IL1RAPL1: variants seen among roughly 807,000 people sequenced by gnomAD.
IL1RAPL1 encodes the protein interleukin 1 receptor accessory protein like 1, also known as interleukin-1 receptor accessory protein-like 1.
In IL1RAPL1, 3 loss-of-function variants were observed where a neutral mutation model predicts 48.4. That is an observed-to-expected ratio of 0.06 (90% confidence interval 0.03 to 0.16). The LOEUF (loss-of-function observed/expected upper bound fraction) is 0.16, where lower values mean the gene tolerates loss of function less well. Ranked by LOEUF, IL1RAPL1 falls within the 10% of genes least tolerant of loss-of-function variation. IL1RAPL1 has a pLI of 1.00. For synonymous variants in IL1RAPL1, 185 were observed against 187.7 expected (o/e 0.99, Z 0.12); for missense variants, 349 against 530.6 (o/e 0.66, Z 3.36).
intron 5 of IL1RAPL1, among the ~76,000 whole-genome samples, chrX:29,426,575 A>C (rs746460200): frequency 3.6e-5 from 4 of 111,745 alleles, no homozygotes; most frequent in Non-Finnish European, 7.5e-5. Flanking sequence ...ACAATATTTA[A>C]CTACCCGTTG....
chrX:29,501,157 C>T (rs921145219), intron 5 of IL1RAPL1, among the ~76,000 whole-genome samples: 4 of 111,392 alleles, frequency 3.6e-5, no homozygotes, highest in Admixed American at 1.9e-4. Context: ...TGTTTTTTTG[C>T]GGTTGAATTG....
chrX:29,425,513 C>T (rs763226803), intron 5 of IL1RAPL1, among the ~76,000 whole-genome samples: 12 of 111,682 alleles, frequency 1.1e-4, no homozygotes, highest in Non-Finnish European at 2.1e-4. Flanking sequence ...GTCAATGAGA[C>T]TATCACAGGT....
chrX:29,920,238 G>A lies in IL1RAPL1; in HGVS notation c.1057+144G>A, dbSNP rs774611133. ...TAATCATATTTGCATTAGAGCCACC[G>A]AGGCAAACAGCACAGTAGATGGGTG... On this transcript the variant is annotated intron_variant, in intron 8 of 10. Transcript: ENST00000378993. The A allele has an allele frequency of 3.7e-5, 25 of 681,684 alleles. No individual in the cohort carries two copies. The African/African-American group carries it at 4.1e-4, about 11-fold the overall frequency. The allele number at this position is 681,684 out of a possible 1,213,427, so 56.2% of individuals were successfully genotyped here.
chrX:29,034,354 T>C (rs923081768), intron 2 of IL1RAPL1, among the ~76,000 whole-genome samples: 4 of 112,254 alleles, frequency 3.6e-5, no homozygotes, highest in African/African-American at 9.7e-5. Flanking sequence ...ATGACTGCTT[T>C]ACCTTTTATT....
chrX:29,377,324 A>G (rs1020436801), intron 3 of IL1RAPL1, among the ~76,000 whole-genome samples: 16 of 111,935 alleles, frequency 1.4e-4, no homozygotes, highest in Non-Finnish European at 2.8e-4. Flanking sequence ...TTGCCACTCT[A>G]TGTCTTTTAA....
At chrX:29,725,717 G>T (rs1329382488) in intron 6 of IL1RAPL1, among the ~76,000 whole-genome samples, 1 of 111,966 alleles carries the variant, frequency 8.9e-6, no homozygotes, top group East Asian at 2.8e-4. Flanking sequence ...ATGTGTGTGT[G>T]TATGAGTGTG....
rs777376856 is a variant in IL1RAPL1, at chrX:28,872,730, C to G, written c.82+83305C>G. On this transcript the variant is annotated intron_variant, in intron 2 of 10. Coordinates refer to ENST00000378993, the MANE Select transcript of IL1RAPL1 (RefSeq NM_014271.4). ...CCTCCATGGGTACAGGTCTTTAAGT[C>G]ATTTTGTCCTCATTGTTTTTACTAG... Among the ~76,000 whole-genome samples, 88 of 112,150 alleles carry G rather than the reference C, an allele frequency of 7.8e-4. 1 individual carries two copies. The highest frequency in any genetic ancestry group is 9.4e-3 in the Middle Eastern group (2 of 213).
intron 5 of IL1RAPL1, among the ~76,000 whole-genome samples, chrX:29,460,255 C>T (rs944237806): frequency 2.7e-5 from 3 of 112,184 alleles, no homozygotes; most frequent in African/African-American, 9.7e-5. Context: ...ATATTGGCCT[C>T]TATGAATTTT....
At chrX:28,690,169 A>G in intron 1 of IL1RAPL1, among the ~76,000 whole-genome samples, 1 of 111,632 alleles carries the variant, frequency 9.0e-6, no homozygotes, top group South Asian at 3.8e-4. Context: ...CTTGGGCAGT[A>G]TCTCTAGCAG....
At chrX:29,452,916 ATTTTT>A (rs72259685) in intron 5 of IL1RAPL1, among the ~76,000 whole-genome samples, 1 of 48,879 alleles carries the variant, frequency 2.0e-5, no homozygotes, top group African/African-American at 9.8e-5. Flanking sequence ...GTGACTACAG[ATTTTT>A]TTTTTTTTTT....
chrX:28,735,704 C>T (rs1379054747), intron 1 of IL1RAPL1, among the ~76,000 whole-genome samples: 1 of 109,938 alleles, frequency 9.1e-6, no homozygotes, highest in East Asian at 2.9e-4. Flanking sequence ...CCCAAGGATT[C>T]GAGGCTGTTG....
At chrX:28,943,544 A>AT (rs1276637202) in intron 2 of IL1RAPL1, among the ~76,000 whole-genome samples, 76 of 104,672 alleles carry the variant, frequency 7.3e-4, no homozygotes, top group Non-Finnish European at 3.4e-4. Context: ...GATACGTAAC[A>AT]TTTTTTTTTT....
At chrX:29,340,810 G>A (rs1310060447) in intron 3 of IL1RAPL1, among the ~76,000 whole-genome samples, 3 of 112,107 alleles carry the variant, frequency 2.7e-5, no homozygotes, top group African/African-American at 9.7e-5. Context: ...AGGAGCTGGA[G>A]TCTCCGAGGA....
intron 2 of IL1RAPL1, among the ~76,000 whole-genome samples, chrX:29,024,747 C>T (rs1426017311): frequency 9.0e-6 from 1 of 111,520 alleles, no homozygotes; most frequent in Non-Finnish European, 1.9e-5. Flanking sequence ...TCTTGTCCAT[C>T]CAAAGCTTTC....
intron 6 of IL1RAPL1, among the ~76,000 whole-genome samples, chrX:29,865,640 T>C (rs966225782): frequency 1.4e-4 from 13 of 92,157 alleles, no homozygotes; most frequent in African/African-American, 2.9e-4. Context: ...TCTTTTCTTT[T>C]TTTTTTTTTT....
chrX:28,610,248 A>G (rs151099430), intron 1 of IL1RAPL1, among the ~76,000 whole-genome samples: 1,905 of 111,948 alleles, frequency 0.017, 37 homozygotes, highest in African/African-American at 0.059. Context: ...ACTCGACTTC[A>G]TTCTCTCAGT....
At chrX:29,266,711 A>C (rs1191872203) in intron 2 of IL1RAPL1, among the ~76,000 whole-genome samples, 1 of 110,920 alleles carries the variant, frequency 9.0e-6, no homozygotes, top group Non-Finnish European at 1.9e-5. Flanking sequence ...ATGGCCTCTT[A>C]ATTTCTCTAC....
chrX:29,044,647 G>A (rs997518023), intron 2 of IL1RAPL1, among the ~76,000 whole-genome samples: 1 of 110,412 alleles, frequency 9.1e-6, no homozygotes, highest in African/African-American at 3.3e-5. Context: ...CAGAGTAATG[G>A]AAAATCCTGC....
chrX:28,645,347 C>CAAAA (rs35814453), intron 1 of IL1RAPL1, among the ~76,000 whole-genome samples: 3 of 29,050 alleles, frequency 1.0e-4, no homozygotes, highest in Non-Finnish European at 1.8e-4. Context: ...AATTCCGCCT[C>CAAAA]AAAAAAAAAA....
Sources: gnomAD v4.1 joint callset for allele counts (sites outside exome capture counted in the v4.1 genomes callset) on GRCh38, gnomAD v4.1.1 for gene constraint, MANE v1.5 for transcripts, NCBI Gene and HGNC (gene_info 2026-07-23, HGNC 2026-07-21) for gene names.